The following MBNL1 variants were observed in gnomAD, a reference collection of about 807,000 sequenced individuals.
MBNL1 encodes muscleblind like splicing regulator 1.
Under a neutral mutation model 42.2 loss-of-function variants are expected in MBNL1, and 8 were observed. That is an observed-to-expected ratio of 0.19 (90% CI 0.11 to 0.34). The LOEUF (loss-of-function observed/expected upper bound fraction) is 0.34. Among genes scored for constraint, MBNL1 ranks in the 10% least tolerant of loss-of-function variants. MBNL1 has a pLI of 1.00. For missense variants in MBNL1, 309 were observed against 495.3 expected (o/e 0.62, Z 3.57); for synonymous variants, 169 against 173.9 (o/e 0.97, Z 0.22).
intron 2 of MBNL1, among the ~76,000 whole-genome samples, chr3:152,386,167 AATC>A (rs2153439881): frequency 6.6e-6 from 1 of 152,202 alleles, no homozygotes; most frequent in East Asian, 1.9e-4. Flanking sequence ...GAAAAGGAAA[AATC>A]ATACCATACA....
In MBNL1 at chr3:152,246,209, G is replaced by C. The variant is rs565088592; in HGVS notation, n.333+1769G>C. 2.6e-3 allele frequency among the ~76,000 whole-genome samples: 401 copies of C among 152,268 alleles called. 1 individual carries two copies. The highest frequency in any genetic ancestry group is 4.1e-3 in the Non-Finnish European group (278 of 68,008). On this transcript the variant is annotated intron_variant and non_coding_transcript_variant, in intron 2 of 2. Coordinates refer to the MBNL1 transcript ENST00000477171. ...AGCTATTAAGTGTTATATGTAGTAT[G>C]GTAATATACTAAATAATGGCTAACA...
chr3:152,332,135 A>G (rs1449040457), intron 2 of MBNL1, among the ~76,000 whole-genome samples: 1 of 152,204 alleles, frequency 6.6e-6, no homozygotes, highest in Non-Finnish European at 1.5e-5. Context: ...GTCTGTATCT[A>G]TCTATGTTTA....
intron 2 of MBNL1, among the ~76,000 whole-genome samples, chr3:152,337,607 C>G (rs192732018): frequency 7.0e-6 from 1 of 143,362 alleles, no homozygotes; most frequent in Admixed American, 7.1e-5. Context: ...GCCTGGGCAA[C>G]AGAGTGAGAT....
chr3:152,369,788 G>C (rs943510698), intron 2 of MBNL1, among the ~76,000 whole-genome samples: 1 of 152,020 alleles, frequency 6.6e-6, no homozygotes, highest in Admixed American at 6.6e-5. Flanking sequence ...ATTTTCTAGT[G>C]TATTTGCATA....
chr3:152,377,226 A>C (rs1336367213), intron 2 of MBNL1, among the ~76,000 whole-genome samples: 1 of 152,188 alleles, frequency 6.6e-6, no homozygotes, highest in Non-Finnish European at 1.5e-5. Context: ...CTTAGATAAG[A>C]TGCTTTTTTC....
intron 2 of MBNL1, among the ~76,000 whole-genome samples, chr3:152,355,908 T>C (rs78707722): frequency 2.0e-4 from 30 of 152,300 alleles, no homozygotes; most frequent in African/African-American, 7.2e-4. Flanking sequence ...AGATATCATG[T>C]GCAACATGTG....
chr3:152,406,626 A>G (rs972674781), intron 2 of MBNL1, among the ~76,000 whole-genome samples: 7 of 152,140 alleles, frequency 4.6e-5, no homozygotes, highest in Admixed American at 3.3e-4. Context: ...GAATTGTGCA[A>G]TTAAAGCTCT....
chr3:152,442,629 G>T (rs1376002524), intron 4 of MBNL1, among the ~76,000 whole-genome samples: 3 of 151,950 alleles, frequency 2.0e-5, no homozygotes, highest in Admixed American at 1.3e-4. Context: ...TTTATTTTGG[G>T]TATCAGCATA....
intron 2 of MBNL1, among the ~76,000 whole-genome samples, chr3:152,360,438 C>T (rs1372930810): frequency 1.3e-5 from 2 of 152,176 alleles, no homozygotes; most frequent in African/African-American, 4.8e-5. Context: ...CCCTCCCTGC[C>T]TGTGCCATTT....
At chr3:152,382,702 G>T (rs1019116866) in intron 2 of MBNL1, among the ~76,000 whole-genome samples, 2 of 152,088 alleles carry the variant, frequency 1.3e-5, no homozygotes, top group African/African-American at 4.8e-5. Context: ...AGTTGAATAG[G>T]TTTCTTTCTG....
At chr3:152,280,683 T>C (rs1159603906) in intron 1 of MBNL1, among the ~76,000 whole-genome samples, 6 of 152,294 alleles carry the variant, frequency 3.9e-5, no homozygotes, top group Middle Eastern at 3.4e-3. Context: ...CACATGATTC[T>C]CTTTTTCCTC....
chr3:152,394,132 T>G (rs1007562607), intron 2 of MBNL1, among the ~76,000 whole-genome samples: 41 of 152,334 alleles, frequency 2.7e-4, no homozygotes, highest in African/African-American at 9.6e-4. Flanking sequence ...TGAGAATCTC[T>G]GAGACAGCAG....
At chr3:152,395,712 G>A (rs951786379) in intron 2 of MBNL1, among the ~76,000 whole-genome samples, 3 of 152,154 alleles carry the variant, frequency 2.0e-5, no homozygotes, top group Non-Finnish European at 2.9e-5. Context: ...GGCATTTGAC[G>A]TTACTTTCAC....
At position 152,414,847 on chromosome 3, in the gene MBNL1, A is replaced by T; in HGVS notation, c.175-94A>T. 9 of 1,228,154 alleles carry T rather than the reference A, an allele frequency of 7.3e-6. No homozygotes were observed. The South Asian group carries it at 1.2e-4, about 16-fold the overall frequency. 76.1% of individuals were successfully genotyped at this position (1,228,154 alleles called of 1,614,324 possible). A position where few individuals can be genotyped will look rare whatever the true frequency, so the allele number is the denominator to read the frequency against. On this transcript the variant is annotated intron_variant, in intron 2 of 9. Transcript: ENST00000324210. ...CAATGCATTGTGTGAAAAACCAATG[A>T]TACATTCAAGTGGGTGGTTTGCATT... is the stretch of plus-strand genomic sequence containing the variant.
upstream of MBNL1, chr3:152,243,724 A>G (rs2032235452): frequency 6.6e-6 from 1 of 152,194 alleles, no homozygotes; most frequent in African/African-American, 2.4e-5. Flanking sequence ...GCATAGAGCA[A>G]TGTTTTCTGT....
chr3:152,352,061 CAACAT>C (rs1277082759), intron 2 of MBNL1, among the ~76,000 whole-genome samples: 2 of 152,048 alleles, frequency 1.3e-5, no homozygotes, highest in Non-Finnish European at 2.9e-5. Flanking sequence ...GCTTTAGACT[CAACAT>C]TATATTTGAA....
At position 152,432,820 on chromosome 3, in the gene MBNL1, T is replaced by G. The variant is rs770424160; in HGVS notation, c.449T>G (p.Leu150Trp). 3 of 1,614,202 alleles carry G rather than the reference T, an allele frequency of 1.9e-6. No individual in the cohort carries two copies. The highest frequency in any genetic ancestry group is 2.5e-6 in the Non-Finnish European group (3 of 1,180,016). The change falls in exon 4 of 10, where the codon TTG becomes TGG. Residue 150 changes from leucine to tryptophan, a missense_variant. Leu to Trp is a moderately conservative substitution (Grantham distance 61). Coordinates refer to ENST00000324210, the MANE Select transcript of MBNL1 (RefSeq NM_021038.5). Reference protein sequence around the residue: ...VSPSLVPAEILPTAPMLVTGN... With the variant: ...VSPSLVPAEIWPTAPMLVTGN... ...CCAAGCCTGGTCCCGGCAGAGATCT[T>G]GCCGACTGCACCAATGTTGGTTACA...
intron 2 of MBNL1, among the ~76,000 whole-genome samples, chr3:152,259,607 T>A (rs1014620063): frequency 6.6e-6 from 1 of 152,192 alleles, no homozygotes; most frequent in Non-Finnish European, 1.5e-5. Context: ...GCCCAGGAAG[T>A]GAATGACAGT....
chr3:152,459,136 T>C (rs774953694), intron 8 of MBNL1, 135 bp from the exon 9 acceptor site: 9 of 465,582 alleles, frequency 1.9e-5, no homozygotes, highest in African/African-American at 4.1e-5. Context: ...CTTACTGTTA[T>C]GTTGACCAGA....
Sources: gnomAD v4.1 joint callset for allele counts (sites outside exome capture counted in the v4.1 genomes callset) on GRCh38, gnomAD v4.1.1 for gene constraint, MANE v1.5 for transcripts, NCBI Gene and HGNC (gene_info 2026-07-23, HGNC 2026-07-21) for gene names.